The following IL10RB variants were observed in gnomAD, a reference collection of about 807,000 sequenced individuals.
IL10RB encodes the protein interleukin 10 receptor subunit beta.
A neutral mutation model predicts 38.7 loss-of-function variants in IL10RB; 30 were observed. The ratio of observed to expected loss-of-function variants is 0.78; its 90% confidence interval spans 0.58 to 1.05. The LOEUF is 1.05. Among genes scored for constraint, IL10RB ranks in the 50% least tolerant of loss-of-function variants. The probability of loss-of-function intolerance (pLI) is 0.00; values close to 1 mark genes in which losing one functional copy is unlikely to be tolerated. For missense variants in IL10RB, 328 were observed against 397.1 expected (o/e 0.83, Z 1.48); for synonymous variants, 142 against 145.9 (o/e 0.97, Z 0.19).
chr21:33,298,715 A>G (rs2082977285), downstream of IL10RB, among the ~76,000 whole-genome samples: 1 of 152,244 alleles, frequency 6.6e-6, no homozygotes, highest in East Asian at 1.9e-4. Flanking sequence ...TATCCAGGGC[A>G]CAGTACAGAG....
Position 33,266,655 on chromosome 21 carries a change from G to A in IL10RB, c.49+141G>A, listed in dbSNP as rs923854297. 17 of 819,648 alleles carry A rather than the reference G, an allele frequency of 2.1e-5. No homozygotes were observed. The East Asian group carries it at 3.4e-4, about 16-fold the overall frequency. 50.8% of individuals were successfully genotyped at this position (819,648 alleles called of 1,614,324 possible). On this transcript the variant is annotated intron_variant, in intron 1 of 6. Coordinates refer to ENST00000290200, the MANE Select transcript of IL10RB (RefSeq NM_000628.5). ...GAGAGAAGATGCAAACGCCACGGCC[G>A]GCTGCTGAGACGCAACTAGGCTGCT...
At chr21:33,300,784 T>C (rs1349818634), downstream of IL10RB, among the ~76,000 whole-genome samples, 1 of 152,118 alleles carries the variant, frequency 6.6e-6, no homozygotes, top group East Asian at 1.9e-4. Context: ...CACCAGACAC[T>C]CAATCTGCTG....
chr21:33,287,052 T>C (rs1314194643), intron 5 of IL10RB, among the ~76,000 whole-genome samples: 2 of 151,866 alleles, frequency 1.3e-5, no homozygotes, highest in Non-Finnish European at 2.9e-5. Flanking sequence ...ACAGAGGCCC[T>C]GTACTTCCTG....
chr21:33,309,531 A>G (rs1032300142), exon 2 of IL10RB: 1 of 152,220 alleles, frequency 6.6e-6, no homozygotes, highest in African/African-American at 2.4e-5. Context: ...AACAATTTAT[A>G]CTACTAAACA....
intron 1 of IL10RB, among the ~76,000 whole-genome samples, chr21:33,266,767 G>A (rs928236671): frequency 6.6e-6 from 1 of 152,136 alleles, no homozygotes; most frequent in Admixed American, 6.5e-5. Flanking sequence ...GGAGACTCCC[G>A]GCGTCTTTTG....
At position 33,279,864 on chromosome 21, in the gene IL10RB, G is replaced by GTA; in HGVS notation, c.447_448dup (p.Asn150IlefsTer118). The GTA allele has an allele frequency of 6.2e-7, 1 of 1,613,498 alleles. No homozygotes were observed. Among genetic ancestry groups the GTA allele is most frequent in the Non-Finnish European group, 8.5e-7 (1 of 1,179,388 alleles). On this transcript the variant is annotated frameshift_variant, in exon 4 of 7. Coordinates refer to ENST00000290200, the MANE Select transcript of IL10RB (RefSeq NM_000628.5). LOFTEE classifies it high-confidence loss of function. ...ACGAAACTTGGACTATGAAGAATGT[G>GTA]TATAACTCATGGACTTATAATGTGC... is the stretch of plus-strand genomic sequence containing the variant.
intron 6 of IL10RB, among the ~76,000 whole-genome samples, chr21:33,288,714 T>C (rs574770470): frequency 1.3e-5 from 2 of 152,294 alleles, no homozygotes; most frequent in East Asian, 1.9e-4. Flanking sequence ...ACGAGAGCGA[T>C]TGAAATTCTG....
chr21:33,292,429 A>G (rs1989507274), intron 6 of IL10RB, among the ~76,000 whole-genome samples: 1 of 151,920 alleles, frequency 6.6e-6, no homozygotes, highest in Admixed American at 6.5e-5. Flanking sequence ...ATCCCCCTTT[A>G]TGGTCATCAT....
intron 5 of IL10RB, among the ~76,000 whole-genome samples, chr21:33,286,799 G>A (rs1989383118): frequency 6.6e-6 from 1 of 152,186 alleles, no homozygotes; most frequent in Non-Finnish European, 1.5e-5. Context: ...GCTGCAGTGA[G>A]CTGTGTTTGC....
chr21:33,270,747 T>G (rs1276033044), intron 2 of IL10RB, among the ~76,000 whole-genome samples: 1 of 150,002 alleles, frequency 6.7e-6, no homozygotes, highest in African/African-American at 2.5e-5. Context: ...CGACCTCTGC[T>G]CACTGCAGCC....
intron 2 of IL10RB, among the ~76,000 whole-genome samples, chr21:33,273,944 T>C (rs1338253513): frequency 2.0e-5 from 3 of 152,218 alleles, no homozygotes; most frequent in Non-Finnish European, 4.4e-5. Flanking sequence ...TGCAGTTACT[T>C]CCTCCACTGA....
chr21:33,273,022 C>T (rs1236509187), intron 2 of IL10RB, among the ~76,000 whole-genome samples: 1 of 152,184 alleles, frequency 6.6e-6, no homozygotes, highest in Non-Finnish European at 1.5e-5. Context: ...ACAGGACAGT[C>T]ACGGGTCACT....
At chr21:33,266,617 T>C (rs927596952) in intron 1 of IL10RB, 103 bp downstream of exon 1, 1 of 1,184,142 alleles carries the variant, frequency 8.4e-7, no homozygotes, top group Non-Finnish European at 1.2e-6. Context: ...CTTAAGAGCC[T>C]TCGGGGCCTC....
intron 5 of IL10RB, 118 bp from the exon 6 acceptor site, chr21:33,287,986 C>A: frequency 2.0e-6 from 2 of 977,446 alleles, no homozygotes; most frequent in Non-Finnish European, 3.3e-6. Flanking sequence ...GTTTCTGAGA[C>A]GTCCCCCAAG....
chr21:33,278,075 G>C (rs912265591), intron 3 of IL10RB, among the ~76,000 whole-genome samples: 1 of 149,292 alleles, frequency 6.7e-6, no homozygotes, highest in Non-Finnish European at 1.5e-5. Context: ...AAATTAGCCA[G>C]GCATGGTGGA....
exon 2 of IL10RB, chr21:33,309,084 C>T (rs541869344): frequency 2.0e-5 from 3 of 152,328 alleles, no homozygotes; most frequent in African/African-American, 7.2e-5. Flanking sequence ...TGCCCTTGCA[C>T]GTTTGTGGTT....
At position 33,266,392 on chromosome 21, in the gene IL10RB, C is replaced by A. The variant is rs56368587; in HGVS notation, c.-74C>A. 763 of 1,497,694 alleles carry A rather than the reference C, an allele frequency of 5.1e-4. No homozygotes were observed. Among genetic ancestry groups the A allele is most frequent in the Non-Finnish European group, 6.5e-4 (728 of 1,115,834 alleles). 92.8% of individuals were successfully genotyped at this position (1,497,694 alleles called of 1,614,324 possible). A position where few individuals can be genotyped will look rare whatever the true frequency, so the allele number is the denominator to read the frequency against. On this transcript the variant is annotated 5_prime_UTR_variant, in exon 1 of 7. Coordinates refer to ENST00000290200, the MANE Select transcript of IL10RB (RefSeq NM_000628.5). ...ATCTCCGCTGGTTCCCGGAAGCCGC[C>A]GCGGACAAGCTCTCCCGGGCGCGGG...
At position 33,266,392 on chromosome 21, in the gene IL10RB, C is replaced by T; in HGVS notation, c.-74C>T. ...ATCTCCGCTGGTTCCCGGAAGCCGCCGCGGACAAGCTCTCCCGGGCGCGGG... is the reference window on the plus strand; with the variant it reads ...ATCTCCGCTGGTTCCCGGAAGCCGCTGCGGACAAGCTCTCCCGGGCGCGGG... On this transcript the variant is annotated 5_prime_UTR_variant, in exon 1 of 7. Coordinates refer to ENST00000290200, the MANE Select transcript of IL10RB (RefSeq NM_000628.5). The T allele has an allele frequency of 3.3e-6, 5 of 1,497,822 alleles. No homozygotes were observed. The highest frequency in any genetic ancestry group is 2.4e-5 in the South Asian group (2 of 82,366). 92.8% of individuals were successfully genotyped at this position (1,497,822 alleles called of 1,614,324 possible). A position where few individuals can be genotyped will look rare whatever the true frequency, so the allele number is the denominator to read the frequency against.
chr21:33,297,798 A>G (rs1421569246), downstream of IL10RB, among the ~76,000 whole-genome samples: 2 of 152,070 alleles, frequency 1.3e-5, no homozygotes, highest in East Asian at 1.9e-4. Flanking sequence ...TGCCTGGGTG[A>G]TGGAATGAGA....
Sources: gnomAD v4.1 joint callset for allele counts (sites outside exome capture counted in the v4.1 genomes callset) on GRCh38, gnomAD v4.1.1 for gene constraint, MANE v1.5 for transcripts, NCBI Gene and HGNC (gene_info 2026-07-23, HGNC 2026-07-21) for gene names.